LCORL: variants seen among roughly 807,000 people sequenced by gnomAD.
LCORL encodes ligand-dependent nuclear receptor corepressor-like protein.
A neutral mutation model predicts 141.8 loss-of-function variants in LCORL; 41 were observed. The observed-to-expected ratio is 0.29, with a 90% confidence interval of 0.23 to 0.38. The LOEUF (loss-of-function observed/expected upper bound fraction) is 0.38, where lower values mean the gene tolerates loss of function less well. Among genes scored for constraint, LCORL ranks in the 10% least tolerant of loss-of-function variants. LCORL has a pLI of 1.00. For synonymous variants in LCORL, 618 were observed against 694.1 expected (o/e 0.89, Z 1.72); for missense variants, 1,759 against 2,035.0 (o/e 0.86, Z 2.61).
intron 2 of LCORL, among the ~76,000 whole-genome samples, chr4:17,965,131 G>C (rs926629683): frequency 3.3e-5 from 5 of 152,148 alleles, no homozygotes; most frequent in Admixed American, 2.6e-4. Flanking sequence ...TGTTTACACA[G>C]TCAAATAAAT....
chr4:17,998,568 T>C (rs1362017486), intron 1 of LCORL, among the ~76,000 whole-genome samples: 1 of 152,070 alleles, frequency 6.6e-6, no homozygotes, highest in Non-Finnish European at 1.5e-5. Flanking sequence ...CACTGGAAAA[T>C]CTTCAGGGGC....
intron 7 of LCORL, among the ~76,000 whole-genome samples, chr4:17,871,631 T>C (rs996108950): frequency 1.3e-5 from 2 of 151,960 alleles, no homozygotes; most frequent in African/African-American, 2.4e-5. Flanking sequence ...GAGGATGATA[T>C]AAAGAATTAA....
intron 1 of LCORL, among the ~76,000 whole-genome samples, chr4:18,020,157 G>A (rs988339010): frequency 6.6e-6 from 1 of 151,972 alleles, no homozygotes; most frequent in Non-Finnish European, 1.5e-5. Flanking sequence ...CGCGTTCTGC[G>A]GTACACATTT....
chr4:17,940,906 A>T (rs572190077), intron 4 of LCORL, among the ~76,000 whole-genome samples: 1 of 152,306 alleles, frequency 6.6e-6, no homozygotes, highest in African/African-American at 2.4e-5. Context: ...ACAGCAGCAA[A>T]GTAGTATATG....
chr4:18,002,329 T>C (rs1166108985), intron 1 of LCORL, among the ~76,000 whole-genome samples: 1 of 152,072 alleles, frequency 6.6e-6, no homozygotes, highest in East Asian at 1.9e-4. Context: ...GCTTTCTTAC[T>C]GGGTTTTAGA....
chr4:17,919,795 G>C (rs977894981), intron 4 of LCORL, among the ~76,000 whole-genome samples: 5 of 152,208 alleles, frequency 3.3e-5, no homozygotes, highest in African/African-American at 1.2e-4. Context: ...CACCTGCCCT[G>C]AAGTAGGACT....
intron 1 of LCORL, among the ~76,000 whole-genome samples, chr4:17,992,051 T>C (rs571759918): frequency 6.6e-6 from 1 of 152,336 alleles, no homozygotes; most frequent in Admixed American, 6.5e-5. Context: ...CATAACGTTT[T>C]TGATATTCCC....
exon 8 of LCORL, chr4:17,843,142 T>C (rs1722584086): frequency 1.4e-6 from 1 of 697,518 alleles, no homozygotes. Context: ...CAAGTCAGTG[T>C]TTTTTTGACA....
chr4:17,960,623 T>C (rs971109540), intron 4 of LCORL, among the ~76,000 whole-genome samples: 13 of 152,110 alleles, frequency 8.5e-5, no homozygotes, highest in African/African-American at 3.1e-4. Context: ...TTAAAGAAAG[T>C]ATGTAAAATT....
At chr4:17,882,106 T>C in intron 6 of LCORL, 1 of 984,490 alleles carries the variant, frequency 1.0e-6, no homozygotes, top group Non-Finnish European at 1.2e-6. Flanking sequence ...TTCAGTTTCT[T>C]TAAACATGTA....
At chr4:17,857,708 T>C (rs1272303574) in intron 7 of LCORL, among the ~76,000 whole-genome samples, 1 of 152,226 alleles carries the variant, frequency 6.6e-6, no homozygotes, top group Non-Finnish European at 1.5e-5. Context: ...TAGATGCCAA[T>C]AGCACCTTCT....
chr4:18,020,999 C>G (rs932404595), intron 1 of LCORL, among the ~76,000 whole-genome samples: 1 of 152,134 alleles, frequency 6.6e-6, no homozygotes, highest in Non-Finnish European at 1.5e-5. Context: ...TGGGCGCCCC[C>G]CGCCCCTCGG....
chr4:17,930,576 T>C (rs1187337459), intron 4 of LCORL, among the ~76,000 whole-genome samples: 1 of 152,214 alleles, frequency 6.6e-6, no homozygotes, highest in Non-Finnish European at 1.5e-5. Context: ...TGTTCCTCTT[T>C]AGATTAACAA....
At chr4:17,954,848 G>A (rs562089183) in intron 4 of LCORL, among the ~76,000 whole-genome samples, 1 of 152,160 alleles carries the variant, frequency 6.6e-6, no homozygotes, top group South Asian at 2.1e-4. Flanking sequence ...GAAAAAGCTG[G>A]GGAAGGGAAA....
chr4:17,924,894 A>G (rs1025274392), intron 4 of LCORL, among the ~76,000 whole-genome samples: 24 of 152,218 alleles, frequency 1.6e-4, no homozygotes, highest in African/African-American at 5.5e-4. Context: ...AAGGCTGTGC[A>G]TGCTCTGAAT....
At chr4:17,881,283 G>A in intron 6 of LCORL, 1 of 979,850 alleles carries the variant, frequency 1.0e-6, no homozygotes, top group East Asian at 1.1e-4. Context: ...TTAATAAATA[G>A]TAACTGGTAA....
chr4:17,958,304 C>A (rs1713085119), intron 4 of LCORL, among the ~76,000 whole-genome samples: 1 of 151,110 alleles, frequency 6.6e-6, no homozygotes, highest in Non-Finnish European at 1.5e-5. Context: ...GCAGGAAAAA[C>A]ATATTACATT....
chr4:17,874,401 A>G lies in LCORL; in HGVS notation c.4589T>C (p.Leu1530Ser), dbSNP rs1726700118. The change falls in exon 7 of 8, where the codon TTG (leucine) becomes TCG (serine). Residue 1530 changes from leucine (L) to serine (S), a missense_variant. Transcript: ENST00000635767. The stretch of plus-strand genomic sequence containing the variant: ...GATTCCCCTGGTATTTATTACTTCC[A>G]AAGGGTTTCGGGCATTTGCTTTTCT... 3.2e-6 allele frequency: 4 copies of G among 1,233,698 alleles called. No homozygotes were observed. The African/African-American group carries it at 4.7e-5, about 14-fold the overall frequency. The allele number at this position is 1,233,698 out of a possible 1,614,324, so 76.4% of individuals were successfully genotyped here.
intron 5 of LCORL, among the ~76,000 whole-genome samples, chr4:17,889,198 A>G (rs1389138819): frequency 6.6e-6 from 1 of 152,014 alleles, no homozygotes; most frequent in Non-Finnish European, 1.5e-5. Flanking sequence ...TGAGCTACAT[A>G]TAAGCTCTAC....
Sources: allele counts gnomAD v4.1 joint callset (sites outside exome capture counted in the v4.1 genomes callset), GRCh38; gene constraint gnomAD v4.1.1; transcripts MANE v1.5; gene names NCBI Gene and HGNC (gene_info 2026-07-23, HGNC 2026-07-21).